Variants in EHMT1 observed in about 807,000 individuals in gnomAD.
The protein encoded by EHMT1 is euchromatic histone lysine methyltransferase 1.
EHMT1 carries 15 observed loss-of-function variants against 147.2 expected under a neutral mutation model. That is an observed-to-expected ratio of 0.10 (90% CI 0.07 to 0.16). The LOEUF is 0.16. Ranked by LOEUF, EHMT1 falls within the 10% of genes least tolerant of loss-of-function variation. The pLI is 1.00. For synonymous variants in EHMT1, 795 were observed against 709.6 expected (o/e 1.12, Z -1.91); for missense variants, 1,587 against 1,772.4 (o/e 0.90, Z 1.88).
intron 16 of EHMT1, 23 bp downstream of exon 16, chr9:137,790,993 A>G (rs1316272612): frequency 1.2e-6 from 2 of 1,614,192 alleles, no homozygotes; most frequent in Middle Eastern, 1.6e-4. Context: ...GTCAGAATCA[A>G]CGTCCTAGTG....
In EHMT1 at chr9:137,728,400, G is replaced by A. The variant is rs1946813823; in HGVS notation, c.694G>A (p.Glu232Lys). The A allele has an allele frequency of 1.2e-6, 2 of 1,614,208 alleles. No homozygotes were observed. Among genetic ancestry groups the A allele is most frequent in the Non-Finnish European group, 1.7e-6 (2 of 1,180,048 alleles). Residue 232 changes from glutamate to lysine, a missense_variant, in exon 4 of 27, where the codon GAA becomes AAA. Coordinates refer to ENST00000460843, the MANE Select transcript of EHMT1 (RefSeq NM_024757.5). ...AGTTCGAGAAGCTAGAGATCATAAGGAACCAAAAGAGGAGATCAACAAAAA... is the reference window on the plus strand; with the variant it reads ...AGTTCGAGAAGCTAGAGATCATAAGAAACCAAAAGAGGAGATCAACAAAAA... Reference protein sequence around the residue: ...REVREARDHKEPKEEINKNIS... With the variant: ...REVREARDHKKPKEEINKNIS...
chr9:137,832,401 C>T (rs1001389496), intron 25 of EHMT1, among the ~76,000 whole-genome samples: 1 of 151,662 alleles, frequency 6.6e-6, no homozygotes, highest in Admixed American at 6.6e-5. Context: ...TCCACAGGCC[C>T]CGCCTCCCAC....
intron 1 of EHMT1, among the ~76,000 whole-genome samples, chr9:137,687,021 G>A (rs1041420552): frequency 1.1e-4 from 16 of 152,150 alleles, no homozygotes; most frequent in Admixed American, 2.0e-4. Context: ...GAGCCACCGC[G>A]CTGGCCCCAA....
At chr9:137,655,058 G>T (rs1005468865) in intron 1 of EHMT1, among the ~76,000 whole-genome samples, 5 of 152,016 alleles carry the variant, frequency 3.3e-5, no homozygotes, top group African/African-American at 1.2e-4. Context: ...GAGTGCAATG[G>T]CATGATCTCG....
intron 16 of EHMT1, among the ~76,000 whole-genome samples, chr9:137,795,452 G>T (rs55876895): frequency 2.5e-4 from 14 of 56,714 alleles, no homozygotes; most frequent in Admixed American, 7.2e-4. Flanking sequence ...TACACACACA[G>T]ACACACACAC....
intron 10 of EHMT1, among the ~76,000 whole-genome samples, chr9:137,772,426 C>T (rs1298302382): frequency 2.6e-5 from 4 of 152,108 alleles, no homozygotes; most frequent in Non-Finnish European, 5.9e-5. Context: ...AGATAGTGAG[C>T]TCTGTGGCCA....
intron 25 of EHMT1, among the ~76,000 whole-genome samples, chr9:137,831,492 T>C (rs1443505080): frequency 6.6e-6 from 1 of 152,264 alleles, no homozygotes; most frequent in African/African-American, 2.4e-5. Context: ...GGCAAATCTC[T>C]GAGATTCTGT....
intron 9 of EHMT1, among the ~76,000 whole-genome samples, chr9:137,762,307 A>G (rs981798350): frequency 4.6e-5 from 7 of 151,976 alleles, no homozygotes; most frequent in African/African-American, 1.7e-4. Context: ...GTAGGAAAAC[A>G]AGGTCTTAAA....
chr9:137,673,520 G>A lies in EHMT1; in HGVS notation c.22-37447G>A, dbSNP rs372858002. 7.2e-5 allele frequency among the ~76,000 whole-genome samples: 11 copies of A among 152,314 alleles called. No individual in the cohort carries two copies. The South Asian group carries it at 2.3e-3, about 32-fold the overall frequency. On this transcript the variant is annotated intron_variant, in intron 1 of 26. Coordinates refer to ENST00000460843, the MANE Select transcript of EHMT1 (RefSeq NM_024757.5). ...GTCCCTGGTGGCTGAGCTGAAGGCAGTGTGAAGCTCCGGCCTCGAGGATGT... is the reference window on the plus strand; with the variant it reads ...GTCCCTGGTGGCTGAGCTGAAGGCAATGTGAAGCTCCGGCCTCGAGGATGT...
At chr9:137,815,912 CCT>C in intron 22 of EHMT1, 33 bp from the exon 23 acceptor site, 1 of 1,529,262 alleles carries the variant, frequency 6.5e-7, no homozygotes, top group East Asian at 2.4e-5. Context: ...GAGTGAGTAA[CCT>C]CTGCTGGGCC....
intron 16 of EHMT1, among the ~76,000 whole-genome samples, chr9:137,795,947 A>G (rs1952906101): frequency 6.6e-6 from 1 of 152,252 alleles, no homozygotes; most frequent in African/African-American, 2.4e-5. Context: ...GAATGCAGGA[A>G]TAAAAGCAGA....
At chr9:137,780,758 C>T (rs75885564) in intron 14 of EHMT1, among the ~76,000 whole-genome samples, 2 of 103,964 alleles carry the variant, frequency 1.9e-5, no homozygotes, top group Admixed American at 1.0e-4. Flanking sequence ...GTGGTGATGA[C>T]GCTGGGATGT....
chr9:137,829,110 G>A (rs1045311087), intron 25 of EHMT1, among the ~76,000 whole-genome samples: 1 of 152,180 alleles, frequency 6.6e-6, no homozygotes, highest in Non-Finnish European at 1.5e-5. Flanking sequence ...AGCTCGTGCC[G>A]TGCGCCCACT....
At position 137,776,163 on chromosome 9, in the gene EHMT1, G is replaced by A. The variant is rs1328851143; in HGVS notation, c.1792-455G>A. 3.3e-5 allele frequency among the ~76,000 whole-genome samples: 5 copies of A among 152,102 alleles called. No homozygotes were observed. The highest frequency in any genetic ancestry group is 7.2e-5 in the African/African-American group (3 of 41,412). ...TTCTGCAAGAAAATGCTGTTCTTAC[G>A]GCTGTGTGCCCCTCCTCGAGGCTCA... is the stretch of plus-strand genomic sequence containing the variant. On this transcript the variant is annotated intron_variant, in intron 11 of 26. Coordinates refer to ENST00000460843, the MANE Select transcript of EHMT1 (RefSeq NM_024757.5). The surrounding 1 kb of genome is among the most constrained non-coding windows in gnomAD (Gnocchi z 4.4).
chr9:137,771,005 C>G (rs1477430163), intron 10 of EHMT1, among the ~76,000 whole-genome samples: 3 of 152,034 alleles, frequency 2.0e-5, no homozygotes, highest in Non-Finnish European at 4.4e-5. Flanking sequence ...TTTGTATTCT[C>G]AGACACATCA....
chr9:137,626,236 A>C (rs928420102), intron 1 of EHMT1, among the ~76,000 whole-genome samples: 2 of 151,704 alleles, frequency 1.3e-5, no homozygotes, highest in Non-Finnish European at 2.9e-5. Context: ...TGTTTTATAT[A>C]TATAGTATCT....
At chr9:137,720,040 C>T (rs12379255) in intron 3 of EHMT1, among the ~76,000 whole-genome samples, 1 of 57,268 alleles carries the variant, frequency 1.7e-5, no homozygotes, top group Non-Finnish European at 3.0e-5. Context: ...ACCTCCTCCA[C>T]ACCAGGGCAC....
chr9:137,676,260 A>C (rs1441790442), intron 1 of EHMT1: 1 of 129,996 alleles, frequency 7.7e-6, no homozygotes, highest in Non-Finnish European at 1.6e-5. Flanking sequence ...TAGTAGAGAG[A>C]GGGTTTCACC....
At chr9:137,673,247 G>T (rs908110618) in intron 1 of EHMT1, among the ~76,000 whole-genome samples, 1 of 152,160 alleles carries the variant, frequency 6.6e-6, no homozygotes, top group African/African-American at 2.4e-5. Context: ...GCCTGGTGGT[G>T]CTCAGAGCTG....
Sources: allele counts gnomAD v4.1 joint callset (sites outside exome capture counted in the v4.1 genomes callset), GRCh38; gene constraint gnomAD v4.1.1; non-coding constraint Gnocchi (gnomAD v3.1); transcripts MANE v1.5; gene names NCBI Gene and HGNC (gene_info 2026-07-23, HGNC 2026-07-21).